The following TTC23L variants were observed in gnomAD, a reference collection of about 807,000 sequenced individuals.
TTC23L encodes tetratricopeptide repeat protein 23-like.
A neutral mutation model predicts 48.1 loss-of-function variants in TTC23L; 42 were observed. That is an observed-to-expected ratio of 0.87 (90% CI 0.68 to 1.13). The LOEUF is 1.13. TTC23L is among the 50% of genes most tolerant of loss of function. The pLI, the probability that TTC23L is intolerant of heterozygous loss-of-function variation, is 0.00. For missense variants in TTC23L, 391 were observed against 421.0 expected (o/e 0.93, Z 0.62); for synonymous variants, 159 against 157.2 (o/e 1.01, Z -0.09).
downstream of TTC23L, among the ~76,000 whole-genome samples, chr5:34,901,116 T>C (rs1323469115): frequency 6.6e-6 from 1 of 152,210 alleles, no homozygotes; most frequent in Non-Finnish European, 1.5e-5. Flanking sequence ...TAGCAAATGA[T>C]AAAATAGACT....
intron 2 of TTC23L, among the ~76,000 whole-genome samples, chr5:34,845,073 A>C (rs145776488): frequency 2.1e-3 from 316 of 152,356 alleles, no homozygotes; most frequent in African/African-American, 6.9e-3. Flanking sequence ...GTAGAAGAAG[A>C]AGCCCTGTCC....
At chr5:34,868,032 A>G (rs892307802) in intron 7 of TTC23L, 2 of 152,248 alleles carry the variant, frequency 1.3e-5, no homozygotes, top group African/African-American at 4.8e-5. Context: ...TGCTTTTTCT[A>G]CGTTCCCTAG....
At chr5:34,913,708 A>C in the TTC23L span, 1 of 619,626 alleles carries the variant, frequency 1.6e-6, no homozygotes, top group Non-Finnish European at 2.8e-6. Flanking sequence ...ATTTCTGATT[A>C]GCAATCAAAA....
intron 9 of TTC23L, chr5:34,888,314 AC>A (rs973318130): frequency 2.8e-5 from 5 of 180,366 alleles, no homozygotes; most frequent in Non-Finnish European, 5.3e-5. Context: ...AGCTTAGGAA[AC>A]AAATGAAATG....
the TTC23L span, chr5:34,920,061 T>C: frequency 2.4e-6 from 1 of 423,166 alleles, no homozygotes; most frequent in Non-Finnish European, 4.3e-6. Context: ...AGTGCTTCAT[T>C]CATTTCTGTT....
At chr5:34,844,821 C>G (rs952690189) in intron 2 of TTC23L, among the ~76,000 whole-genome samples, 2 of 152,120 alleles carry the variant, frequency 1.3e-5, no homozygotes, top group African/African-American at 4.8e-5. Context: ...AGGGATATTT[C>G]TCCTCTGAAT....
intron 1 of TTC23L, chr5:34,839,552 C>T (rs888185389): frequency 1.5e-5 from 13 of 840,904 alleles, no homozygotes; most frequent in Non-Finnish European, 1.9e-5. Flanking sequence ...TTTGAGAGAT[C>T]AGAACTCTTT....
the TTC23L span, chr5:34,922,477 T>C: frequency 3.9e-6 from 4 of 1,031,740 alleles, no homozygotes; most frequent in Non-Finnish European, 6.0e-6. Flanking sequence ...TTATGGTGAA[T>C]AGGTGGTAAG....
chr5:34,873,656 G>A (rs1761631779), intron 8 of TTC23L, among the ~76,000 whole-genome samples: 1 of 152,184 alleles, frequency 6.6e-6, no homozygotes, highest in East Asian at 1.9e-4. Flanking sequence ...TCTGGTTGGT[G>A]TGAGTGGCAT....
At chr5:34,917,423 G>A in the TTC23L span, among the ~76,000 whole-genome samples, 16 of 152,072 alleles carry the variant, frequency 1.1e-4, no homozygotes, top group South Asian at 3.3e-3. Context: ...CACTAGGTCA[G>A]GAGTTCAAGA....
At chr5:34,916,155 C>A in the TTC23L span, 17 of 363,542 alleles carry the variant, frequency 4.7e-5, no homozygotes, top group East Asian at 6.6e-4. Flanking sequence ...GTGCTCAGAT[C>A]CAGCGTTCTT....
At chr5:34,914,683 CTACTTCCA>C in the TTC23L span, 1 of 1,613,898 alleles carries the variant, frequency 6.2e-7, no homozygotes, top group African/African-American at 1.3e-5. Flanking sequence ...TTAAAGGCGC[CTACTTCCA>C]TACCTGAATA....
downstream of TTC23L, among the ~76,000 whole-genome samples, chr5:34,902,964 TAA>T (rs796794601): frequency 2.1e-5 from 3 of 144,214 alleles, no homozygotes. Context: ...TGACTGACAT[TAA>T]AAAAAAAAAA....
At chr5:34,858,682 A>AT (rs1033332880) in intron 4 of TTC23L, among the ~76,000 whole-genome samples, 61 of 129,702 alleles carry the variant, frequency 4.7e-4, no homozygotes, top group African/African-American at 1.1e-3. Context: ...AAGGCTTCAG[A>AT]TAAAAAAAAA....
In TTC23L at chr5:34,880,178, C is replaced by T. The variant is rs752823194; in HGVS notation, c.950-3C>T. 55 of 1,601,674 alleles carry T rather than the reference C, an allele frequency of 3.4e-5. No homozygotes were observed. Among genetic ancestry groups the T allele is most frequent in the Non-Finnish European group, 4.3e-5 (51 of 1,176,404 alleles). On this transcript the variant is annotated splice_polypyrimidine_tract_variant and splice_region_variant and intron_variant, in intron 8 of 10. Transcript: ENST00000505624. ...CCTTAAATAATTGTTTCAATTTTTC[C>T]AGATGCTGTTGAGATATATTTCATA...
At chr5:34,915,873 C>T in the TTC23L span, 1 of 1,560,214 alleles carries the variant, frequency 6.4e-7, no homozygotes, top group Non-Finnish European at 8.7e-7. Flanking sequence ...AAGAGAGGGA[C>T]CGGATCCCAG....
At chr5:34,906,402 G>A in the TTC23L span, 1 of 152,180 alleles carries the variant, frequency 6.6e-6, no homozygotes, top group African/African-American at 2.4e-5. Flanking sequence ...CCTTTGGGAG[G>A]CCGAGGCGGG....
At chr5:34,907,801 T>C in the TTC23L span, 1 of 152,218 alleles carries the variant, frequency 6.6e-6, no homozygotes, top group East Asian at 1.9e-4. Flanking sequence ...TCAGACTTGT[T>C]TGGTGATGCC....
intron 6 of TTC23L, among the ~76,000 whole-genome samples, chr5:34,866,228 G>A (rs563012648): frequency 2.0e-5 from 3 of 152,152 alleles, no homozygotes; most frequent in African/African-American, 7.2e-5. Flanking sequence ...CCACACAGAC[G>A]TAACTGCTAT....
Sources: gnomAD v4.1 joint callset for allele counts (sites outside exome capture counted in the v4.1 genomes callset) on GRCh38, gnomAD v4.1.1 for gene constraint, MANE v1.5 for transcripts, NCBI Gene and HGNC (gene_info 2026-07-23, HGNC 2026-07-21) for gene names.